The following LDB3 variants were observed in gnomAD, a reference collection of about 807,000 sequenced individuals.
The protein encoded by LDB3 is LIM domain-binding protein 3.
In LDB3, 49 loss-of-function variants were observed where a neutral mutation model predicts 69.0. That is an observed-to-expected ratio of 0.71 (90% CI 0.56 to 0.90). The LOEUF (loss-of-function observed/expected upper bound fraction) is 0.90. LDB3 is among the 40% of genes least tolerant of loss of function. LDB3 has a pLI of 0.00. For synonymous variants in LDB3, 387 were observed against 396.2 expected (o/e 0.98, Z 0.28); for missense variants, 928 against 974.1 (o/e 0.95, Z 0.63).
chr10:86,726,163 T>G lies in LDB3; in HGVS notation c.2005T>G (p.Cys669Gly). The G allele has an allele frequency of 6.2e-7, 1 of 1,613,944 alleles. No individual in the cohort carries two copies. Among genetic ancestry groups the G allele is most frequent in the Non-Finnish European group, 8.5e-7 (1 of 1,179,992 alleles). Residue 669 changes from cysteine (C) to glycine (G), a missense_variant, in exon 13 of 14, where the codon TGC becomes GGC. Transcript: ENST00000361373. ...KDYINLFSTKCHGCDFPVEAG... is the reference protein window; with the variant it reads ...KDYINLFSTKGHGCDFPVEAG... ...CTACATCAATCTGTTCAGCACCAAG[T>G]GCCATGGCTGCGATTTCCCCGTGGA... is the stretch of plus-strand genomic sequence containing the variant.
rs727503125 is a variant in LDB3 at position 86,691,920 on chromosome 10, C to T, written c.714C>T (p.Ala238=). 3.4e-5 allele frequency: 55 copies of T among 1,614,042 alleles called. No individual in the cohort carries two copies. Among genetic ancestry groups the T allele is most frequent in the African/African-American group, 2.3e-4 (17 of 74,930 alleles). Reference sequence around the variant, plus strand: ...GGAGCCTCCCTATTAAGGACCTTGCCGTAGACAGCGCCTCTCCCGTCTACC... The same window carrying T: ...GGAGCCTCCCTATTAAGGACCTTGCTGTAGACAGCGCCTCTCCCGTCTACC... ...PGGSLPIKDL[A]VDSASPVYQA... is the part of the protein sequence containing the mutation. The change falls in exon 6 of 14, where the codon GCC becomes GCT. Residue 238 remains alanine, a synonymous_variant. Coordinates refer to ENST00000361373, the MANE Select transcript of LDB3 (RefSeq NM_007078.3).
rs45611239 is a variant in LDB3, at chr10:86,680,192, C to T, written c.321+35C>T. 247 of 1,593,220 alleles carry T rather than the reference C, an allele frequency of 1.6e-4. No homozygotes were observed. The African/African-American group carries it at 2.9e-3, about 19-fold the overall frequency. ...GACTGTGGCGGCGGGGTCCACTCAGCCCTGGTTCCTGGAGTGCTGGCCCTG... is the reference window on the plus strand; with the variant it reads ...GACTGTGGCGGCGGGGTCCACTCAGTCCTGGTTCCTGGAGTGCTGGCCCTG... On this transcript the variant is annotated intron_variant, in intron 4 of 13. Coordinates refer to ENST00000361373, the MANE Select transcript of LDB3 (RefSeq NM_007078.3).
chr10:86,681,594 C>A lies in LDB3; in HGVS notation c.480C>A (p.Asp160Glu). ...TCTCCTCACTCGCCGAGGCCTCTGA[C>A]CCTGGCCCTCCGCGGGCCAGCCTGA... ...SAFSSLAEAS[D>E]PGPPRASLRA... The change falls in exon 5 of 14, where the codon GAC (aspartate) becomes GAA (glutamate). Residue 160 changes from aspartate to glutamate, a missense_variant. Asp to Glu is a conservative substitution (Grantham distance 45, BLOSUM62 2). Transcript: ENST00000361373. The A allele has an allele frequency of 6.2e-7, 1 of 1,613,032 alleles. No homozygotes were observed.
intron 2 of LDB3, among the ~76,000 whole-genome samples, chr10:86,670,464 T>G (rs1032874687): frequency 6.6e-6 from 1 of 152,082 alleles, no homozygotes; most frequent in Admixed American, 6.6e-5. Context: ...CTCCCCCAGC[T>G]CCACCATCTC....
chr10:86,704,187 C>T (rs1054372147), intron 7 of LDB3, among the ~76,000 whole-genome samples: 3 of 151,554 alleles, frequency 2.0e-5, no homozygotes, highest in Admixed American at 1.3e-4. Flanking sequence ...ACCTACTCAA[C>T]TAGGATCAAC....
intron 7 of LDB3, among the ~76,000 whole-genome samples, chr10:86,697,466 CA>C (rs1042266684): frequency 3.4e-5 from 5 of 147,766 alleles, no homozygotes; most frequent in African/African-American, 1.3e-4. Flanking sequence ...AGTGATCCAC[CA>C]GCCTCGGTCT....
intron 5 of LDB3, among the ~76,000 whole-genome samples, chr10:86,688,304 T>C (rs1845602048): frequency 6.6e-6 from 1 of 152,100 alleles, no homozygotes; most frequent in Non-Finnish European, 1.5e-5. Flanking sequence ...ATGGAGGGAT[T>C]AAAAAGTCCC....
Position 86,691,988 on chromosome 10 carries a change from A to C in LDB3, c.782A>C (p.Asp261Ala), listed in dbSNP as rs1285921374. The change falls in exon 6 of 14, where the codon GAC becomes GCC. Residue 261 changes from aspartate to alanine, a missense_variant. Physicochemically the swap from Asp to Ala is moderately radical, Grantham distance 126 (BLOSUM62 -2). Transcript: ENST00000361373. ...KSQNKPEDEA[D>A]EWARRSSNLQ... ...CAGAACAAGCCAGAAGATGAGGCTG[A>C]CGAGTGGGCACGCCGTTCCTCCAAC... The C allele has an allele frequency of 1.2e-6, 2 of 1,614,062 alleles. No individual in the cohort carries two copies. The highest frequency in any genetic ancestry group is 2.7e-5 in the African/African-American group (2 of 74,934).
Position 86,730,770 on chromosome 10 carries a change from A to G in LDB3, c.2095-2117A>G, listed in dbSNP as rs557838922. Among the ~76,000 whole-genome samples, 7 of 152,296 alleles carry G rather than the reference A, an allele frequency of 4.6e-5. No individual in the cohort carries two copies. In the South Asian group the frequency reaches 1.5e-3, roughly 32 times the overall value. On this transcript the variant is annotated intron_variant, in intron 13 of 13. Coordinates refer to ENST00000361373, the MANE Select transcript of LDB3 (RefSeq NM_007078.3). Reference sequence around the variant, plus strand: ...GAGTGTCTGGCATCCTGCTTGGTCCATGGTAGTCCCCACAAATATTAATTA... The same window carrying G: ...GAGTGTCTGGCATCCTGCTTGGTCCGTGGTAGTCCCCACAAATATTAATTA...
chr10:86,674,418 C>G (rs548023185), intron 2 of LDB3, among the ~76,000 whole-genome samples: 17 of 152,272 alleles, frequency 1.1e-4, no homozygotes, highest in African/African-American at 3.9e-4. Flanking sequence ...CACCAGCTCT[C>G]CCTGGGCTGC....
chr10:86,733,676 C>G lies in LDB3; in HGVS notation c.*700C>G, dbSNP rs1847547858. 6.6e-6 allele frequency: 1 copy of G among 152,324 alleles called. No individual in the cohort carries two copies. The highest frequency in any genetic ancestry group is 2.4e-5 in the African/African-American group (1 of 41,462). 9.4% of individuals were successfully genotyped at this position (152,324 alleles called of 1,614,324 possible). ...GCTGAGAAAAGATGGCCCTGTCAGC[C>G]ACCCTCTCTCAGTCTGAAACATCCA... On this transcript the variant is annotated 3_prime_UTR_variant, in exon 14 of 14. Transcript: ENST00000361373.
chr10:86,687,158 G>A (rs868020775), intron 5 of LDB3: 1 of 1,614,210 alleles, frequency 6.2e-7, no homozygotes, highest in South Asian at 1.1e-5. Flanking sequence ...GGGCTGGGCG[G>A]CAAGGCCACC....
chr10:86,691,966 A>T lies in LDB3; in HGVS notation c.760A>T (p.Asn254Tyr). The T allele has an allele frequency of 1.2e-6, 2 of 1,614,184 alleles. No individual in the cohort carries two copies. The highest frequency in any genetic ancestry group is 1.7e-6 in the Non-Finnish European group (2 of 1,180,038). Residue 254 changes from asparagine (N) to tyrosine (Y), a missense_variant, in exon 6 of 14, where the codon AAC becomes TAC. Asn to Tyr is a moderately radical substitution (Grantham distance 143, BLOSUM62 -2). Coordinates refer to ENST00000361373, the MANE Select transcript of LDB3 (RefSeq NM_007078.3). ...CTACCAGGCTGTGATTAAGAGCCAGAACAAGCCAGAAGATGAGGCTGACGA... is the reference window on the plus strand; with the variant it reads ...CTACCAGGCTGTGATTAAGAGCCAGTACAAGCCAGAAGATGAGGCTGACGA... ...PVYQAVIKSQ[N>Y]KPEDEADEWA...
chr10:86,698,243 A>AC (rs1846091986), intron 7 of LDB3, among the ~76,000 whole-genome samples: 1 of 152,250 alleles, frequency 6.6e-6, no homozygotes, highest in Non-Finnish European at 1.5e-5. Flanking sequence ...CCTGGGGGTC[A>AC]CCCAAGTGGT....
chr10:86,671,919 C>T (rs1844503574), intron 2 of LDB3, among the ~76,000 whole-genome samples: 1 of 152,172 alleles, frequency 6.6e-6, no homozygotes, highest in South Asian at 2.1e-4. Context: ...TGAGACCAGC[C>T]TGGCCAACAT....
At chr10:86,695,359 C>T (rs539355175) in intron 7 of LDB3, among the ~76,000 whole-genome samples, 6 of 152,342 alleles carry the variant, frequency 3.9e-5, no homozygotes, top group East Asian at 1.9e-4. Context: ...CTTCTCCTCT[C>T]GGGTCCTGGC....
At chr10:86,704,863 TGA>T (rs1250078388) in intron 7 of LDB3, among the ~76,000 whole-genome samples, 3 of 152,304 alleles carry the variant, frequency 2.0e-5, no homozygotes, top group Non-Finnish European at 4.4e-5. Flanking sequence ...ATTACAGGCG[TGA>T]GTCACTGTGC....
In LDB3 at chr10:86,691,925, A is replaced by G; in HGVS notation, c.719A>G (p.Asp240Gly). ...CTCCCTATTAAGGACCTTGCCGTAG[A>G]CAGCGCCTCTCCCGTCTACCAGGCT... ...GSLPIKDLAV[D>G]SASPVYQAVI... Residue 240 changes from aspartate (D) to glycine (G), a missense_variant, in exon 6 of 14, where the codon GAC becomes GGC. Transcript: ENST00000361373. The G allele has an allele frequency of 6.2e-7, 1 of 1,614,132 alleles. No homozygotes were observed. The highest frequency in any genetic ancestry group is 8.5e-7 in the Non-Finnish European group (1 of 1,180,026).
intron 5 of LDB3, among the ~76,000 whole-genome samples, chr10:86,689,047 G>A (rs1845638243): frequency 1.6e-5 from 1 of 60,862 alleles, no homozygotes; most frequent in Non-Finnish European, 6.0e-5. Flanking sequence ...GTGCCAGTGA[G>A]TAACCCTCTT....
Sources: allele counts gnomAD v4.1 joint callset (sites outside exome capture counted in the v4.1 genomes callset), GRCh38; gene constraint gnomAD v4.1.1; transcripts MANE v1.5; gene names NCBI Gene and HGNC (gene_info 2026-07-23, HGNC 2026-07-21).